The following NAV1 variants were observed in gnomAD, a reference collection of about 807,000 sequenced individuals.
NAV1 encodes the protein pore membrane and/or filament interacting like protein 3.
In NAV1, 18 loss-of-function variants were observed where a neutral mutation model predicts 175.2. That is an observed-to-expected ratio of 0.10 (90% CI 0.07 to 0.15). The LOEUF (loss-of-function observed/expected upper bound fraction) is 0.15. NAV1 is among the 10% of genes least tolerant of loss of function. The pLI is 1.00. For synonymous variants in NAV1, 897 were observed against 978.7 expected (o/e 0.92, Z 1.56); for missense variants, 1,731 against 2,436.6 (o/e 0.71, Z 6.10).
upstream of NAV1, among the ~76,000 whole-genome samples, chr1:201,620,408 T>C (rs1298551533): frequency 6.6e-6 from 1 of 152,016 alleles, no homozygotes; most frequent in Admixed American, 6.5e-5. Context: ...CATACATTTT[T>C]AGATTTGGCA....
At chr1:201,549,691 AG>A (rs1489741421) in intron 1 of NAV1, among the ~76,000 whole-genome samples, 17 of 146,498 alleles carry the variant, frequency 1.2e-4, no homozygotes, top group African/African-American at 4.2e-4. Context: ...CAGCCTGCCC[AG>A]CAACCACAGA....
exon 1 of NAV1, chr1:201,649,168 A>G (rs753415127): frequency 1.9e-6 from 3 of 1,612,200 alleles, no homozygotes; most frequent in Non-Finnish European, 2.5e-6. Flanking sequence ...CTCGCGCCCA[A>G]CCTGGGAAAG....
In NAV1 at chr1:201,807,044, G is replaced by GTGTGTA. The variant is rs796642459; in HGVS notation, c.3649-903_3649-898dup. ...TTCATATCTGTGTCCCTGTGTGTGT[G>GTGTGTA]TGTGTATGTGTGTGTGTGGTGTGTG... On this transcript the variant is annotated intron_variant, in intron 17 of 29. Transcript: ENST00000367296. This position sits in a 1 kb window ranked among gnomAD's most constrained non-coding sequence, Gnocchi z 5.4. 6.5e-3 allele frequency among the ~76,000 whole-genome samples: 989 copies of GTGTGTA among 152,030 alleles called. 7 individuals are homozygous for GTGTGTA. Among genetic ancestry groups the GTGTGTA allele is most frequent in the African/African-American group, 0.022 (908 of 41,448 alleles).
chr1:201,682,446 GT>G (rs981765746), intron 1 of NAV1, among the ~76,000 whole-genome samples: 2 of 152,142 alleles, frequency 1.3e-5, no homozygotes, highest in African/African-American at 4.8e-5. Context: ...TCTGACAGCA[GT>G]CCCCCACTCT....
At chr1:201,799,293 CAT>C (rs1342259402) in intron 15 of NAV1, among the ~76,000 whole-genome samples, 2 of 151,958 alleles carry the variant, frequency 1.3e-5, no homozygotes, top group South Asian at 2.1e-4. Flanking sequence ...GCTCTTCAAA[CAT>C]ATATTTGCTG....
chr1:201,649,185 C>T, exon 1 of NAV1: 2 of 1,612,454 alleles, frequency 1.2e-6, no homozygotes, highest in Non-Finnish European at 1.7e-6. Context: ...AAAGCCGAGC[C>T]GGATCCCTCG....
rs1249248440 is a variant in NAV1 at position 201,782,070 on chromosome 1, A to G, written c.1664-106A>G. 9.6e-7 allele frequency: 1 copy of G among 1,041,754 alleles called. No homozygotes were observed. The highest frequency in any genetic ancestry group is 1.4e-6 in the Non-Finnish European group (1 of 719,694). 64.5% of individuals were successfully genotyped at this position (1,041,754 alleles called of 1,614,324 possible). ...CCCAAATTTAGGCCTCTAAAAGTCT[A>G]CAATACATGGACAATGTTCCCTTCT... On this transcript the variant is annotated intron_variant, in intron 5 of 29. Transcript: ENST00000367296. This position sits in a 1 kb window ranked among gnomAD's most constrained non-coding sequence, Gnocchi z 5.4.
In NAV1 at chr1:201,679,307, AG is replaced by A. The variant is rs575143926; in HGVS notation, c.757+29883del. On this transcript the variant is annotated intron_variant, in intron 1 of 29. Coordinates refer to ENST00000367296, the Ensembl canonical transcript of NAV1. ...TTACCGGTGTGCATCTGGGAAAGTGAGTCAGCCACGTGAAAATGAGCAGCCC... is the reference window on the plus strand; with the variant it reads ...TTACCGGTGTGCATCTGGGAAAGTGATCAGCCACGTGAAAATGAGCAGCCC... Among the ~76,000 whole-genome samples the A allele has an allele frequency of 8.5e-5, 13 of 152,304 alleles. No homozygotes were observed. The East Asian group carries it at 2.3e-3, about 27-fold the overall frequency.
intron 1 of NAV1, among the ~76,000 whole-genome samples, chr1:201,665,168 G>C (rs1569402): frequency 0.26 from 38,332 of 148,660 alleles, 5,379 homozygotes; most frequent in East Asian, 0.38. Context: ...TGCTCCCCCC[G>C]CACCCTGCCC....
chr1:201,567,058 C>T (rs1301443692), intron 1 of NAV1, among the ~76,000 whole-genome samples: 1 of 151,612 alleles, frequency 6.6e-6, no homozygotes, highest in Non-Finnish European at 1.5e-5. Flanking sequence ...TCCCCTCCCA[C>T]CCCCCATCCC....
intron 3 of NAV1, among the ~76,000 whole-genome samples, chr1:201,776,379 C>T (rs1016008429): frequency 2.0e-5 from 3 of 148,300 alleles, no homozygotes; most frequent in African/African-American, 7.4e-5. Context: ...TGGTGGTTCA[C>T]GCCTATAATC....
chr1:201,654,630 C>T (rs1669331545), intron 1 of NAV1, among the ~76,000 whole-genome samples: 1 of 152,128 alleles, frequency 6.6e-6, no homozygotes, highest in Non-Finnish European at 1.5e-5. Flanking sequence ...TGCAGCTTAG[C>T]CACCTCTGCA....
intron 3 of NAV1, among the ~76,000 whole-genome samples, chr1:201,779,241 G>C (rs528660887): frequency 6.6e-6 from 1 of 152,254 alleles, no homozygotes; most frequent in Non-Finnish European, 1.5e-5. Context: ...AAATGGTAGA[G>C]GAGGCTAGTT....
intron 1 of NAV1, among the ~76,000 whole-genome samples, chr1:201,567,998 C>T (rs1571824974): frequency 6.6e-6 from 1 of 152,170 alleles, no homozygotes; most frequent in African/African-American, 2.4e-5. Flanking sequence ...CTCCCCTTCG[C>T]CAAGACCCTG....
chr1:201,665,357 G>A (rs1352466275), intron 1 of NAV1, among the ~76,000 whole-genome samples: 1 of 152,090 alleles, frequency 6.6e-6, no homozygotes, highest in Non-Finnish European at 1.5e-5. Flanking sequence ...GCCTCCAACA[G>A]TGTCAGTTCC....
chr1:201,556,728 C>T (rs907473456), intron 1 of NAV1, among the ~76,000 whole-genome samples: 3 of 152,206 alleles, frequency 2.0e-5, no homozygotes, highest in Non-Finnish European at 4.4e-5. Context: ...CAGCCCTGCC[C>T]CCTCCATAGA....
At chr1:201,721,170 A>C (rs1324243616) in intron 3 of NAV1, among the ~76,000 whole-genome samples, 1 of 151,980 alleles carries the variant, frequency 6.6e-6, no homozygotes, top group Non-Finnish European at 1.5e-5. Context: ...TTGCATGGGG[A>C]ACACAGAATC....
intron 17 of NAV1, among the ~76,000 whole-genome samples, chr1:201,806,565 A>G (rs888676596): frequency 6.6e-6 from 1 of 152,180 alleles, no homozygotes; most frequent in Admixed American, 6.5e-5. Flanking sequence ...AGGCAGTGCT[A>G]TGGAGAAAAC....
intron 15 of NAV1, among the ~76,000 whole-genome samples, chr1:201,799,196 GGA>G (rs1553277505): frequency 5.3e-5 from 8 of 151,490 alleles, no homozygotes; most frequent in African/African-American, 7.2e-5. Context: ...GTGTGTGTGT[GGA>G]GAGAGAGAGA....
Sources: gnomAD v4.1 joint callset for allele counts (sites outside exome capture counted in the v4.1 genomes callset) on GRCh38, gnomAD v4.1.1 for gene constraint, Gnocchi (gnomAD v3.1) non-coding constraint, MANE v1.5 for transcripts, NCBI Gene and HGNC (gene_info 2026-07-23, HGNC 2026-07-21) for gene names.